PHEX: variants seen among roughly 807,000 people sequenced by gnomAD.
PHEX encodes the protein phosphate-regulating neutral endopeptidase PHEX.
PHEX carries 16 observed loss-of-function variants against 68.0 expected under a neutral mutation model. That is an observed-to-expected ratio of 0.24 (90% confidence interval 0.16 to 0.36). The LOEUF (loss-of-function observed/expected upper bound fraction) is 0.36, where lower values mean the gene tolerates loss of function less well. Ranked by LOEUF, PHEX falls within the 10% of genes least tolerant of loss-of-function variation. PHEX has a pLI of 1.00. For missense variants in PHEX, 480 were observed against 575.5 expected, an observed-to-expected ratio of 0.83 and a Z score of 1.70; for synonymous variants, 208 against 205.1, an observed-to-expected ratio of 1.01 and a Z score of -0.12.
At chrX:22,246,078 GATC>G (rs1387998192) in intron 21 of PHEX, among the ~76,000 whole-genome samples, 2 of 111,634 alleles carry the variant, frequency 1.8e-5, no homozygotes, top group Admixed American at 1.9e-4. Context: ...TTTCAGGTGG[GATC>G]ATATTTTGAA....
chrX:22,189,695 TG>T (rs1375353092), intron 14 of PHEX, among the ~76,000 whole-genome samples: 1 of 112,874 alleles, frequency 8.9e-6, no homozygotes, highest in African/African-American at 3.2e-5. Context: ...CCTCTTTGCC[TG>T]TAAAGCCTAA....
chrX:22,085,246 T>C (rs747176270), intron 5 of PHEX, among the ~76,000 whole-genome samples: 1 of 111,817 alleles, frequency 8.9e-6, no homozygotes, highest in African/African-American at 3.2e-5. Context: ...TTTTTTTCAT[T>C]GACCCATTGG....
intron 1 of PHEX, among the ~76,000 whole-genome samples, chrX:22,035,470 C>T (rs1274481310): frequency 1.8e-5 from 2 of 112,750 alleles, no homozygotes; most frequent in Non-Finnish European, 3.7e-5. Flanking sequence ...AATATGTACA[C>T]AAATGGGCAT....
chrX:22,105,092 T>A (rs534869182), intron 9 of PHEX, among the ~76,000 whole-genome samples: 3 of 112,176 alleles, frequency 2.7e-5, no homozygotes, highest in African/African-American at 6.5e-5. Flanking sequence ...CTGAGAGTGA[T>A]CTAGGGTCTT....
intron 3 of PHEX, among the ~76,000 whole-genome samples, chrX:22,065,592 A>G (rs1054721180): frequency 9.0e-6 from 1 of 111,062 alleles, no homozygotes; most frequent in African/African-American, 3.3e-5. Flanking sequence ...CGCCCAGATA[A>G]TTTTTGTATT....
intron 15 of PHEX, among the ~76,000 whole-genome samples, chrX:22,193,566 A>G (rs868650182): frequency 1.8e-5 from 2 of 111,719 alleles, no homozygotes; most frequent in Non-Finnish European, 3.8e-5. Context: ...AACAACTGCG[A>G]TTTTTCAGTC....
intron 13 of PHEX, chrX:22,172,819 C>T (rs773923078): frequency 9.0e-6 from 1 of 111,687 alleles, no homozygotes; most frequent in Non-Finnish European, 1.9e-5. Context: ...TTACTAAGGA[C>T]CAAAGTCAGA....
chrX:22,100,708 C>T (rs1251787099), intron 9 of PHEX, among the ~76,000 whole-genome samples: 1 of 111,657 alleles, frequency 9.0e-6, no homozygotes, highest in East Asian at 2.8e-4. Flanking sequence ...TTGGTAATTG[C>T]AGGACCTTTC....
intron 10 of PHEX, among the ~76,000 whole-genome samples, chrX:22,114,059 C>T (rs1290871775): frequency 9.5e-6 from 1 of 104,730 alleles, no homozygotes; most frequent in Non-Finnish European, 1.9e-5. Context: ...ACACAATTCT[C>T]CCACCTCAGC....
intron 21 of PHEX, among the ~76,000 whole-genome samples, chrX:22,245,938 C>T (rs1306643653): frequency 9.0e-6 from 1 of 111,600 alleles, no homozygotes; most frequent in Admixed American, 9.6e-5. Flanking sequence ...ACCTCTTGTT[C>T]TTTCACACAG....
At chrX:22,123,284 C>G (rs1337126705) in intron 11 of PHEX, among the ~76,000 whole-genome samples, 1 of 110,778 alleles carries the variant, frequency 9.0e-6, no homozygotes, top group African/African-American at 3.3e-5. Context: ...CCACCTGTAA[C>G]TCTGCATTTT....
intron 13 of PHEX, chrX:22,172,378 T>C (rs930814152): frequency 9.0e-6 from 1 of 111,637 alleles, no homozygotes; most frequent in African/African-American, 3.3e-5. Context: ...ACATGAAATA[T>C]GTTGGAAGGC....
chrX:22,122,340 A>T (rs1398875738), intron 11 of PHEX, among the ~76,000 whole-genome samples: 1 of 111,471 alleles, frequency 9.0e-6, no homozygotes, highest in Non-Finnish European at 1.9e-5. Flanking sequence ...GGTTATTATT[A>T]TCAAGATCAC....
intron 8 of PHEX, chrX:22,097,795 T>C: frequency 1.9e-6 from 1 of 523,499 alleles, no homozygotes; most frequent in East Asian, 1.8e-4. Context: ...TGAGACACAG[T>C]CTTGCTGTGT....
chrX:22,114,343 A>G (rs1310019934), intron 10 of PHEX, 115 bp from the exon 11 acceptor site: 2 of 671,289 alleles, frequency 3.0e-6, no homozygotes. Flanking sequence ...TGATGCATAT[A>G]TATGGGTTAG....
chrX:22,198,768 C>T (rs1602381804), intron 15 of PHEX, among the ~76,000 whole-genome samples: 1 of 110,813 alleles, frequency 9.0e-6, no homozygotes, highest in South Asian at 3.9e-4. Flanking sequence ...AGTTTTTTTG[C>T]GGGGAGGCAA....
intron 1 of PHEX, among the ~76,000 whole-genome samples, chrX:22,034,770 C>G (rs1030958977): frequency 8.9e-6 from 1 of 112,285 alleles, no homozygotes; most frequent in Non-Finnish European, 1.9e-5. Flanking sequence ...ACCCCAGACC[C>G]GCTGATTCAC....
In PHEX at chrX:22,069,616, C is replaced by T. The variant is rs1928800439; in HGVS notation, c.350-6772C>T. Among the ~76,000 whole-genome samples, 3 of 111,885 alleles carry T rather than the reference C, an allele frequency of 2.7e-5. No homozygotes were observed. In the South Asian group the frequency reaches 1.1e-3, roughly 41 times the overall value. ...TCTGCACCTTTTTCTTAAGCTGATG[C>T]TAACCAACAATTATCATTTATAAGA... On this transcript the variant is annotated intron_variant, in intron 3 of 21. Transcript: ENST00000379374.
At chrX:22,183,143 CTGT>C (rs776809899) in intron 14 of PHEX, among the ~76,000 whole-genome samples, 17 of 110,542 alleles carry the variant, frequency 1.5e-4, no homozygotes, top group Non-Finnish European at 3.0e-4. Context: ...CTTTGACTGG[CTGT>C]TTTTATGCTG....
Sources: gnomAD v4.1 joint callset for allele counts (sites outside exome capture counted in the v4.1 genomes callset) on GRCh38, gnomAD v4.1.1 for gene constraint, MANE v1.5 for transcripts, NCBI Gene and HGNC (gene_info 2026-07-23, HGNC 2026-07-21) for gene names.